The following ATRNL1 variants were observed in gnomAD, a reference collection of about 807,000 sequenced individuals.
ATRNL1 encodes the protein attractin like 1.
Under a neutral mutation model 182.7 loss-of-function variants are expected in ATRNL1, and 95 were observed. That is an observed-to-expected ratio of 0.52 (90% CI 0.44 to 0.62). The LOEUF is 0.62. Among genes scored for constraint, ATRNL1 ranks in the 20% least tolerant of loss-of-function variants. ATRNL1 has a pLI of 0.00. For synonymous variants in ATRNL1, 576 were observed against 568.3 expected (o/e 1.01, Z -0.19); for missense variants, 1,471 against 1,679.5 (o/e 0.88, Z 2.17).
Position 115,093,621 on chromosome 10 carries a change from A to T in ATRNL1, c.-130A>T. 9.4e-7 allele frequency: 1 copy of T among 1,060,370 alleles called. No individual in the cohort carries two copies. 65.7% of individuals were successfully genotyped at this position (1,060,370 alleles called of 1,614,324 possible). On this transcript the variant is annotated 5_prime_UTR_variant, in exon 1 of 29. Transcript: ENST00000355044. This position sits in a 1 kb window ranked among gnomAD's most constrained non-coding sequence, Gnocchi z 6.1. Reference sequence around the variant, plus strand: ...CTGTCCCTCCTGACCGGGGAGCGGGACTCGGACGGGCGCCGGTGAGGAGGA... The same window carrying T: ...CTGTCCCTCCTGACCGGGGAGCGGGTCTCGGACGGGCGCCGGTGAGGAGGA...
intron 20 of ATRNL1, among the ~76,000 whole-genome samples, chr10:115,422,757 TA>T (rs1192698569): frequency 6.6e-6 from 1 of 152,198 alleles, no homozygotes; most frequent in Non-Finnish European, 1.5e-5. Context: ...TTAAGTGAAC[TA>T]ACACTGAAGG....
At chr10:115,812,462 T>C (rs1555087248) in intron 27 of ATRNL1, among the ~76,000 whole-genome samples, 1 of 152,172 alleles carries the variant, frequency 6.6e-6, no homozygotes, top group Admixed American at 6.5e-5. Flanking sequence ...ACCCCACTGA[T>C]ATTTTTACAA....
chr10:115,747,412 T>C (rs189538601), intron 27 of ATRNL1, among the ~76,000 whole-genome samples: 2 of 152,194 alleles, frequency 1.3e-5, no homozygotes, highest in Non-Finnish European at 2.9e-5. Flanking sequence ...ATCTTGCAGG[T>C]GGGAAAACTG....
chr10:115,429,834 A>T (rs1846066892), intron 21 of ATRNL1, among the ~76,000 whole-genome samples: 4 of 152,080 alleles, frequency 2.6e-5, no homozygotes, highest in African/African-American at 9.7e-5. Flanking sequence ...TTGGGAGGCC[A>T]CAAAGGGCGA....
chr10:115,834,722 C>T (rs1555094850), intron 27 of ATRNL1, among the ~76,000 whole-genome samples: 1 of 152,140 alleles, frequency 6.6e-6, no homozygotes, highest in African/African-American at 2.4e-5. Context: ...ACAGTGATGT[C>T]ACCTCACACC....
intron 27 of ATRNL1, among the ~76,000 whole-genome samples, chr10:115,739,384 C>A (rs1223925071): frequency 2.0e-5 from 3 of 152,166 alleles, no homozygotes; most frequent in African/African-American, 7.2e-5. Context: ...TTTAACAATG[C>A]TTGGGAACAG....
chr10:115,945,906 A>G lies in ATRNL1; in HGVS notation c.*1127A>G, dbSNP rs757997223. On this transcript the variant is annotated 3_prime_UTR_variant, in exon 29 of 29. Coordinates refer to ENST00000355044, the MANE Select transcript of ATRNL1 (RefSeq NM_207303.4). ...CTGAGAAAAAGTCTGTGGTTTAGAA[A>G]ATATGTCCATGGTTGCCCACAGTCA... 6.6e-6 allele frequency: 1 copy of G among 152,298 alleles called. No individual in the cohort carries two copies. Among genetic ancestry groups the G allele is most frequent in the East Asian group, 1.9e-4 (1 of 5,174 alleles). 9.4% of individuals were successfully genotyped at this position (152,298 alleles called of 1,614,324 possible).
intron 26 of ATRNL1, among the ~76,000 whole-genome samples, chr10:115,717,548 CTT>C (rs61386440): frequency 1.5e-4 from 13 of 84,358 alleles, no homozygotes; most frequent in African/African-American, 8.7e-5. Flanking sequence ...CTGAAATGTT[CTT>C]TTTTTTTTTT....
chr10:115,664,296 CCATAGCAAAAG>C (rs1428617381), intron 26 of ATRNL1, among the ~76,000 whole-genome samples: 1 of 152,098 alleles, frequency 6.6e-6, no homozygotes, highest in East Asian at 1.9e-4. Flanking sequence ...AACAGCTTCA[CCATAGCAAAAG>C]CATAGCAAAG....
At chr10:115,626,794 ATT>A (rs546250681) in intron 26 of ATRNL1, among the ~76,000 whole-genome samples, 5 of 152,278 alleles carry the variant, frequency 3.3e-5, no homozygotes, top group Admixed American at 6.5e-5. Context: ...TTATTGTATT[ATT>A]GTTGATTTAC....
intron 28 of ATRNL1, among the ~76,000 whole-genome samples, chr10:115,921,389 T>G (rs190917407): frequency 6.6e-6 from 1 of 152,298 alleles, no homozygotes; most frequent in Non-Finnish European, 1.5e-5. Context: ...AAAAGCAATA[T>G]GTACAACTTT....
chr10:115,776,466 T>A (rs1320984363), intron 27 of ATRNL1, among the ~76,000 whole-genome samples: 1 of 152,152 alleles, frequency 6.6e-6, no homozygotes, highest in Non-Finnish European at 1.5e-5. Context: ...AGAGGTGGGG[T>A]CTAGGTCTCT....
intron 25 of ATRNL1, among the ~76,000 whole-genome samples, chr10:115,527,269 C>T (rs1466588848): frequency 7.9e-5 from 12 of 151,998 alleles, no homozygotes; most frequent in Admixed American, 7.9e-4. Flanking sequence ...CAGGAGCTTG[C>T]CATCACAGCT....
intron 21 of ATRNL1, among the ~76,000 whole-genome samples, chr10:115,442,663 C>G (rs1248073580): frequency 1.3e-5 from 2 of 152,018 alleles, no homozygotes; most frequent in Non-Finnish European, 2.9e-5. Context: ...CAGATTTGGT[C>G]TGTGGGCAGT....
chr10:115,520,677 G>A lies in ATRNL1; in HGVS notation c.3716+1353G>A, dbSNP rs192392966. On this transcript the variant is annotated intron_variant, in intron 25 of 28. Coordinates refer to ENST00000355044, the MANE Select transcript of ATRNL1 (RefSeq NM_207303.4). The stretch of plus-strand genomic sequence containing the variant: ...GTTCTTTATAACTGAGCTGAAATCT[G>A]CCTCCCTATGATATCTCTCCTAATT... Among the ~76,000 whole-genome samples, 322 of 152,200 alleles carry A rather than the reference G, an allele frequency of 2.1e-3. 1 individual carries two copies. The highest frequency in any genetic ancestry group is 6.1e-3 in the African/African-American group (254 of 41,532).
chr10:115,893,182 T>A (rs782547085), intron 28 of ATRNL1, among the ~76,000 whole-genome samples: 3 of 152,156 alleles, frequency 2.0e-5, no homozygotes, highest in East Asian at 1.9e-4. Context: ...TGGATTTCAA[T>A]ATCTTAGGCA....
At chr10:115,921,633 G>T (rs1373924429) in intron 28 of ATRNL1, among the ~76,000 whole-genome samples, 2 of 152,110 alleles carry the variant, frequency 1.3e-5, no homozygotes, top group African/African-American at 4.8e-5. Context: ...CTTTGTTAGG[G>T]CTTGATTCTT....
At chr10:115,849,253 C>A (rs1950998981) in intron 28 of ATRNL1, among the ~76,000 whole-genome samples, 2 of 152,054 alleles carry the variant, frequency 1.3e-5, no homozygotes, top group Admixed American at 6.6e-5. Flanking sequence ...TGTTCTTTTC[C>A]TTTCAGCACC....
chr10:115,819,471 A>T (rs1478479451), intron 27 of ATRNL1, among the ~76,000 whole-genome samples: 1 of 152,068 alleles, frequency 6.6e-6, no homozygotes, highest in Admixed American at 6.6e-5. Flanking sequence ...GTAAATTAAG[A>T]GGTTTTCTTG....
Sources: gnomAD v4.1 joint callset for allele counts (sites outside exome capture counted in the v4.1 genomes callset) on GRCh38, gnomAD v4.1.1 for gene constraint, Gnocchi (gnomAD v3.1) non-coding constraint, MANE v1.5 for transcripts, NCBI Gene and HGNC (gene_info 2026-07-23, HGNC 2026-07-21) for gene names.